The following ZNRF1 variants were observed in gnomAD, a reference collection of about 807,000 sequenced individuals.
ZNRF1 encodes the protein zinc and ring finger 1.
Under a neutral mutation model 18.4 loss-of-function variants are expected in ZNRF1, and 3 were observed. That is an observed-to-expected ratio of 0.16 (90% CI 0.07 to 0.42). The LOEUF is 0.42. Ranked by LOEUF, ZNRF1 falls within the 10% of genes least tolerant of loss-of-function variation. The pLI is 0.99. For missense variants in ZNRF1, 310 were observed against 329.8 expected (o/e 0.94, Z 0.47); for synonymous variants, 157 against 144.2 (o/e 1.09, Z -0.64).
chr16:75,100,180 T>C (rs1170007216), intron 2 of ZNRF1, among the ~76,000 whole-genome samples: 2 of 152,228 alleles, frequency 1.3e-5, no homozygotes, highest in African/African-American at 4.8e-5. Flanking sequence ...TGTGCCAGCC[T>C]GGTTGGGGTG....
At chr16:75,004,753 C>G (rs1365660073) in intron 1 of ZNRF1, among the ~76,000 whole-genome samples, 1 of 152,042 alleles carries the variant, frequency 6.6e-6, no homozygotes, top group Non-Finnish European at 1.5e-5. Flanking sequence ...AGCTGGGACT[C>G]AGGTGCGCAC....
chr16:75,009,254 C>T (rs942150299), intron 1 of ZNRF1, among the ~76,000 whole-genome samples: 2 of 152,168 alleles, frequency 1.3e-5, no homozygotes, highest in African/African-American at 4.8e-5. Context: ...TCTCCCCCAC[C>T]TCCCCAGTTT....
chr16:75,073,217 C>T (rs2035895362), intron 1 of ZNRF1, among the ~76,000 whole-genome samples: 1 of 149,268 alleles, frequency 6.7e-6, no homozygotes, highest in South Asian at 2.1e-4. Flanking sequence ...TATCTATATA[C>T]ATAGATTTAT....
chr16:75,101,041 C>A (rs2036248917), intron 2 of ZNRF1, among the ~76,000 whole-genome samples: 1 of 152,190 alleles, frequency 6.6e-6, no homozygotes, highest in African/African-American at 2.4e-5. Flanking sequence ...TCAAATGATT[C>A]TCCTGCCTCA....
rs146163045 is a variant in ZNRF1, at chr16:75,105,235, C to T, written c.626+346C>T. ...TGTCTCCCTGCCTCTTCTTCCTCTA[C>T]GGGTCCCTCTGCTCCACAGGGGTAG... On this transcript the variant is annotated intron_variant, in intron 3 of 4. Transcript: ENST00000335325. The T allele has an allele frequency of 3.1e-3, 839 of 267,166 alleles. 7 individuals are homozygous for T. Among genetic ancestry groups the T allele is most frequent in the African/African-American group, 0.015 (673 of 45,040 alleles). 16.5% of individuals were successfully genotyped at this position (267,166 alleles called of 1,614,324 possible).
At chr16:75,107,594 T>C in intron 4 of ZNRF1, 139 bp from the exon 5 acceptor site, 1 of 402,838 alleles carries the variant, frequency 2.5e-6, no homozygotes, top group Non-Finnish European at 5.1e-6. Flanking sequence ...TGGCTGCAAA[T>C]TCCCCGTGTG....
At chr16:75,080,116 A>T (rs756376629) in intron 1 of ZNRF1, among the ~76,000 whole-genome samples, 3 of 152,026 alleles carry the variant, frequency 2.0e-5, no homozygotes, top group Non-Finnish European at 4.4e-5. Context: ...GGGTTTCACT[A>T]TGTTGGCAAA....
At chr16:75,081,223 C>G (rs1245877713) in intron 1 of ZNRF1, among the ~76,000 whole-genome samples, 3 of 152,056 alleles carry the variant, frequency 2.0e-5, no homozygotes, top group Non-Finnish European at 4.4e-5. Context: ...CAGTCTATAT[C>G]CAGGGAAGAA....
At chr16:75,000,721 C>T (rs915561570) in intron 1 of ZNRF1, among the ~76,000 whole-genome samples, 2 of 152,198 alleles carry the variant, frequency 1.3e-5, no homozygotes, top group African/African-American at 2.4e-5. Flanking sequence ...TTTGCAGGAC[C>T]CGGGCTGTGG....
intron 1 of ZNRF1, among the ~76,000 whole-genome samples, chr16:75,025,137 G>A (rs1196209724): frequency 2.6e-5 from 4 of 152,062 alleles, no homozygotes; most frequent in South Asian, 2.1e-4. Context: ...GCGCCATCTC[G>A]GCTCTCTGCA....
At chr16:75,000,672 T>C (rs1332983727) in intron 1 of ZNRF1, among the ~76,000 whole-genome samples, 1 of 152,166 alleles carries the variant, frequency 6.6e-6, no homozygotes, top group African/African-American at 2.4e-5. Flanking sequence ...CAGGTGTGGC[T>C]GCTGTACGGA....
chr16:75,106,319 T>G, intron 3 of ZNRF1, 163 bp from the exon 4 acceptor site: 2 of 674,832 alleles, frequency 3.0e-6, no homozygotes, highest in South Asian at 3.5e-5. Flanking sequence ...TTCTTCGTGC[T>G]TCAGAAAGTA....
At chr16:75,009,633 C>T (rs1166061969) in intron 1 of ZNRF1, among the ~76,000 whole-genome samples, 4 of 152,124 alleles carry the variant, frequency 2.6e-5, no homozygotes, top group African/African-American at 9.7e-5. Flanking sequence ...CCTGCTTTCA[C>T]TCCTTTTGAG....
chr16:75,033,554 C>T (rs1305277536), intron 1 of ZNRF1, among the ~76,000 whole-genome samples: 1 of 151,844 alleles, frequency 6.6e-6, no homozygotes, highest in Admixed American at 6.6e-5. Context: ...ATTCTCCCAC[C>T]TCAGCCTCCA....
intron 1 of ZNRF1, among the ~76,000 whole-genome samples, chr16:75,081,478 A>G (rs11864996): frequency 0.86 from 130,348 of 152,210 alleles, 56,563 homozygotes; most frequent in Non-Finnish European, 0.93. Flanking sequence ...CTTGAGGGAA[A>G]GTGGTCCTTG....
chr16:74,999,950 C>T lies in ZNRF1; in HGVS notation c.279C>T (p.Ser93=), dbSNP rs750129264. ...ERAPGGGGSA[S]DSTYAHGNGY... ...CGCCCGGCGGCGGAGGGTCTGCGTCCGACTCCACCTATGCCCATGGCAATG... is the reference window on the plus strand; with the variant it reads ...CGCCCGGCGGCGGAGGGTCTGCGTCTGACTCCACCTATGCCCATGGCAATG... Residue 93 remains serine, a synonymous_variant, in exon 1 of 5, where the codon TCC becomes TCT. Coordinates refer to ENST00000335325, the MANE Select transcript of ZNRF1 (RefSeq NM_032268.5). 53 of 1,573,952 alleles carry T rather than the reference C, an allele frequency of 3.4e-5. No homozygotes were observed. The Middle Eastern group carries it at 8.3e-4, about 25-fold the overall frequency.
intron 1 of ZNRF1, among the ~76,000 whole-genome samples, chr16:75,027,867 C>T (rs770981957): frequency 1.3e-5 from 2 of 152,158 alleles, no homozygotes; most frequent in Non-Finnish European, 2.9e-5. Flanking sequence ...TTCCACAGTT[C>T]CTTCATTCTC....
intron 1 of ZNRF1, among the ~76,000 whole-genome samples, chr16:75,035,785 C>T (rs2035369404): frequency 1.3e-5 from 2 of 152,196 alleles, no homozygotes; most frequent in Non-Finnish European, 2.9e-5. Flanking sequence ...GCCCCATGCA[C>T]AGTGTGCTTC....
intron 1 of ZNRF1, among the ~76,000 whole-genome samples, chr16:75,038,706 C>T (rs747824150): frequency 7.2e-5 from 11 of 152,190 alleles, no homozygotes; most frequent in Non-Finnish European, 1.6e-4. Flanking sequence ...AGATGCTCTC[C>T]AGGAAGTCCT....
Sources: gnomAD v4.1 joint callset for allele counts (sites outside exome capture counted in the v4.1 genomes callset) on GRCh38, gnomAD v4.1.1 for gene constraint, MANE v1.5 for transcripts, NCBI Gene and HGNC (gene_info 2026-07-23, HGNC 2026-07-21) for gene names.